Variants in SYT17 observed in about 807,000 individuals in gnomAD.
SYT17 encodes synaptotagmin 17.
A neutral mutation model predicts 46.7 loss-of-function variants in SYT17; 22 were observed. The observed-to-expected ratio is 0.47, with a 90% CI of 0.34 to 0.67. The LOEUF (loss-of-function observed/expected upper bound fraction) is 0.67. SYT17 is among the 30% of genes least tolerant of loss of function. The probability of loss-of-function intolerance (pLI) is 0.01; values close to 1 mark genes in which losing one functional copy is unlikely to be tolerated. For synonymous variants in SYT17, 251 were observed against 248.4 expected (o/e 1.01, Z -0.10); for missense variants, 519 against 612.8 (o/e 0.85, Z 1.62).
At chr16:19,250,200 G>A in intron 7 of SYT17, 1 of 985,014 alleles carries the variant, frequency 1.0e-6, no homozygotes, top group Non-Finnish European at 1.4e-6. Context: ...ATCAGATTCT[G>A]TAATGAACAT....
chr16:19,246,247 C>T (rs1272034296), intron 7 of SYT17, among the ~76,000 whole-genome samples: 1 of 152,080 alleles, frequency 6.6e-6, no homozygotes, highest in Admixed American at 6.6e-5. Flanking sequence ...CCGCCTCAGC[C>T]TCCTAAAGTG....
chr16:19,183,058 C>T lies in SYT17; in HGVS notation c.332-470C>T, dbSNP rs1964620786. On this transcript the variant is annotated intron_variant, in intron 4 of 7. Transcript: ENST00000355377. The surrounding 1 kb of genome is among the most constrained non-coding windows in gnomAD (Gnocchi z 5.6). ...TGGCTGAGATGGAATTCCACCCAGG[C>T]ACTCTGGTCCCAGAGCTCACTCTCT... is the stretch of plus-strand genomic sequence containing the variant. 6.6e-6 allele frequency among the ~76,000 whole-genome samples: 1 copy of T among 152,142 alleles called. No individual in the cohort carries two copies. Among genetic ancestry groups the T allele is most frequent in the Non-Finnish European group, 1.5e-5 (1 of 68,032 alleles).
chr16:19,204,294 C>T (rs1056598788), intron 5 of SYT17, among the ~76,000 whole-genome samples: 1 of 152,116 alleles, frequency 6.6e-6, no homozygotes, highest in Non-Finnish European at 1.5e-5. Context: ...CCTTGAGAAC[C>T]ACTGATTTGA....
chr16:19,181,106 C>A (rs1057273871), intron 4 of SYT17, among the ~76,000 whole-genome samples: 5 of 152,180 alleles, frequency 3.3e-5, no homozygotes, highest in Non-Finnish European at 5.9e-5. Flanking sequence ...GGATTGGGGG[C>A]TCCGTATTGT....
In SYT17 at chr16:19,185,157, C is replaced by CT. The variant is rs1596908330; in HGVS notation, c.951+1012dup. ...ACCCTCTTCCCTCCCTTTCTCCCTC[C>CT]TTCCCCTCCTTCCTCCCTCCCCTCC... is the stretch of plus-strand genomic sequence containing the variant. On this transcript the variant is annotated intron_variant, in intron 5 of 7. Transcript: ENST00000355377. 2.6e-5 allele frequency among the ~76,000 whole-genome samples: 4 copies of CT among 152,050 alleles called. No homozygotes were observed. The East Asian group carries it at 7.7e-4, about 29-fold the overall frequency.
intron 5 of SYT17, among the ~76,000 whole-genome samples, chr16:19,210,558 G>A (rs1965859740): frequency 6.7e-6 from 1 of 149,966 alleles, no homozygotes; most frequent in African/African-American, 2.5e-5. Flanking sequence ...TATTGTCAAT[G>A]CAGCTATGCA....
chr16:19,184,288 C>T (rs1964688172), intron 5 of SYT17, 141 bp downstream of exon 5: 3 of 1,119,856 alleles, frequency 2.7e-6, no homozygotes, highest in Non-Finnish European at 3.7e-6. Context: ...CAAGAGGTTG[C>T]AAAAATAGCA....
chr16:19,187,042 T>A (rs1355409437), intron 5 of SYT17, among the ~76,000 whole-genome samples: 2 of 152,068 alleles, frequency 1.3e-5, no homozygotes, highest in African/African-American at 4.8e-5. Context: ...TATTATTATT[T>A]TTTATTTTTA....
chr16:19,264,227 C>T (rs1969204185), intron 7 of SYT17, among the ~76,000 whole-genome samples: 1 of 152,296 alleles, frequency 6.6e-6, no homozygotes. Context: ...CAGTTTATGG[C>T]ATTTTGTTAC....
intron 1 of SYT17, chr16:19,171,615 A>G (rs1964095952): frequency 6.6e-6 from 1 of 152,076 alleles, no homozygotes; most frequent in Non-Finnish European, 1.5e-5. Context: ...ATCAGCCACC[A>G]CGCCCAGCCC....
At chr16:19,191,825 G>T (rs577834797) in intron 5 of SYT17, among the ~76,000 whole-genome samples, 1 of 151,900 alleles carries the variant, frequency 6.6e-6, no homozygotes, top group African/African-American at 2.4e-5. Context: ...TCACTTTGTC[G>T]CCAGACTGGA....
intron 5 of SYT17, among the ~76,000 whole-genome samples, chr16:19,210,000 C>T (rs987464154): frequency 5.3e-5 from 8 of 152,078 alleles, no homozygotes; most frequent in African/African-American, 1.9e-4. Context: ...TGTATGTGAA[C>T]ATTTATAATG....
chr16:19,168,600 C>A lies in SYT17; in HGVS notation c.-47C>A. On this transcript the variant is annotated 5_prime_UTR_variant, in exon 1 of 8. Coordinates refer to ENST00000355377, the MANE Select transcript of SYT17 (RefSeq NM_016524.4). The surrounding 1 kb of genome is among the most constrained non-coding windows in gnomAD (Gnocchi z 6.9). ...TCCGCTGTTGGCGAGGGCAAAGTGG[C>A]CGTGGCGGCGCCATGCCCGGGCCGG... 1 of 1,542,510 alleles carries A rather than the reference C, an allele frequency of 6.5e-7. No individual in the cohort carries two copies. The highest frequency in any genetic ancestry group is 8.8e-7 in the Non-Finnish European group (1 of 1,142,632).
intron 6 of SYT17, among the ~76,000 whole-genome samples, chr16:19,223,746 C>T (rs1250981771): frequency 6.6e-6 from 1 of 152,096 alleles, no homozygotes; most frequent in African/African-American, 2.4e-5. Flanking sequence ...AGTGCGGTAG[C>T]TAAAATAAAT....
chr16:19,209,800 C>T (rs911387943), intron 5 of SYT17, among the ~76,000 whole-genome samples: 1 of 151,934 alleles, frequency 6.6e-6, no homozygotes, highest in African/African-American at 2.4e-5. Flanking sequence ...ATGGCGTGAA[C>T]CCGGGAGGCG....
chr16:19,222,878 A>G (rs1468133703), intron 5 of SYT17, among the ~76,000 whole-genome samples, 167 bp from the exon 6 acceptor site: 2 of 152,146 alleles, frequency 1.3e-5, no homozygotes, highest in African/African-American at 4.8e-5. Flanking sequence ...GATGGACCAC[A>G]ATAATTAGAG....
chr16:19,185,174 C>T (rs573744824), intron 5 of SYT17, among the ~76,000 whole-genome samples: 1 of 150,258 alleles, frequency 6.7e-6, no homozygotes, highest in African/African-American at 2.5e-5. Context: ...TCCTTCCTCC[C>T]TCCCCTCCTC....
At chr16:19,211,873 G>A (rs1014814879) in intron 5 of SYT17, among the ~76,000 whole-genome samples, 2 of 152,006 alleles carry the variant, frequency 1.3e-5, no homozygotes, top group East Asian at 1.9e-4. Flanking sequence ...TGATCCGCCC[G>A]CCTCAGCCTC....
intron 7 of SYT17, among the ~76,000 whole-genome samples, chr16:19,236,917 A>G (rs1966856548): frequency 6.6e-6 from 1 of 152,200 alleles, no homozygotes; most frequent in Non-Finnish European, 1.5e-5. Context: ...CAGTTTCACC[A>G]TAAGTCTGAA....
Sources: gnomAD v4.1 joint callset for allele counts (sites outside exome capture counted in the v4.1 genomes callset) on GRCh38, gnomAD v4.1.1 for gene constraint, Gnocchi (gnomAD v3.1) non-coding constraint, MANE v1.5 for transcripts, NCBI Gene and HGNC (gene_info 2026-07-23, HGNC 2026-07-21) for gene names.